The following PROX2 variants were observed in gnomAD, a reference collection of about 807,000 sequenced individuals.
PROX2 encodes the protein prospero homeobox protein 2.
A neutral mutation model predicts 48.9 loss-of-function variants in PROX2; 46 were observed. The ratio of observed to expected loss-of-function variants is 0.94; its 90% confidence interval spans 0.74 to 1.20. The LOEUF is 1.20. PROX2 is among the 50% of genes most tolerant of loss of function. The pLI is 0.00. For missense variants in PROX2, 663 were observed against 719.4 expected (o/e 0.92, Z 0.90); for synonymous variants, 260 against 276.6 (o/e 0.94, Z 0.60).
intron 1 of PROX2, chr14:74,872,019 CA>C (rs1883228695): frequency 6.6e-6 from 1 of 152,234 alleles, no homozygotes; most frequent in East Asian, 1.9e-4. Context: ...CCTATGAGGC[CA>C]GCTGAGGTGA....
rs1331064399 is a variant in PROX2 at position 74,863,103 on chromosome 14, C to G, written c.732G>C (p.Lys244Asn). The change falls in exon 3 of 6, where the codon AAG becomes AAC. Residue 244 changes from lysine to asparagine, a missense_variant. Physicochemically the swap from Lys to Asn is moderately conservative, Grantham distance 94. Coordinates refer to ENST00000556489, the MANE Select transcript of PROX2 (RefSeq NM_001243007.2). The stretch of plus-strand genomic sequence containing the variant: ...GGTGGCCTGGTGGATCCAATAGTAC[C>G]TTTTGTAATACCGAGTCCACAGCCT... The part of the protein sequence containing the change: ...VSQAVDSVLQ[K>N]VLLDPPGHLT... The G allele has an allele frequency of 6.2e-7, 1 of 1,613,882 alleles. No homozygotes were observed. Among genetic ancestry groups the G allele is most frequent in the Non-Finnish European group, 8.5e-7 (1 of 1,179,890 alleles).
At chr14:74,875,161 TAAATA>T (rs979419553) in intron 1 of PROX2, among the ~76,000 whole-genome samples, 137 of 151,964 alleles carry the variant, frequency 9.0e-4, no homozygotes, top group African/African-American at 3.0e-3. Flanking sequence ...AAATAAAAAA[TAAATA>T]AAATAAAATC....
intron 2 of PROX2, among the ~76,000 whole-genome samples, chr14:74,870,655 G>A (rs1167860407): frequency 6.6e-6 from 1 of 152,076 alleles, no homozygotes; most frequent in Non-Finnish European, 1.5e-5. Flanking sequence ...TTGCATGTAT[G>A]GAGAAAGCTA....
chr14:74,869,765 G>A (rs896385367), intron 2 of PROX2, among the ~76,000 whole-genome samples: 3 of 152,128 alleles, frequency 2.0e-5, no homozygotes, highest in African/African-American at 7.2e-5. Context: ...GTTATGGTAG[G>A]TGACAATGTT....
rs904521237 is a variant in PROX2, at chr14:74,856,918, T to C, written c.1491A>G (p.Lys497=). The C allele has an allele frequency of 5.6e-6, 9 of 1,613,984 alleles. No individual in the cohort carries two copies. Among genetic ancestry groups the C allele is most frequent in the Non-Finnish European group, 7.6e-6 (9 of 1,179,866 alleles). Residue 497 remains lysine (K), a synonymous_variant, in exon 5 of 6, where the codon AAA becomes AAG. Coordinates refer to ENST00000556489, the MANE Select transcript of PROX2 (RefSeq NM_001243007.2). ...FREFYYIQME[K]SARQAISDGV... ...CATCTGAAATTGCTTGCCGGGCAGATTTTTCCATTTGGATGTAATAAAACT... is the reference window on the plus strand; with the variant it reads ...CATCTGAAATTGCTTGCCGGGCAGACTTTTCCATTTGGATGTAATAAAACT...
chr14:74,863,127 C>T lies in PROX2; in HGVS notation c.708G>A (p.Gln236=). The T allele has an allele frequency of 1.2e-5, 20 of 1,614,050 alleles. No individual in the cohort carries two copies. Among genetic ancestry groups the T allele is most frequent in the Non-Finnish European group, 1.7e-5 (20 of 1,179,898 alleles). ...CCTTTTGTAATACCGAGTCCACAGCCTGGGACACTGCCCTGGTCAGCTCTT... is the reference window on the plus strand; with the variant it reads ...CCTTTTGTAATACCGAGTCCACAGCTTGGGACACTGCCCTGGTCAGCTCTT... ...LRKELTRAVS[Q]AVDSVLQKVL... is the part of the protein sequence containing the mutation. The change falls in exon 3 of 6, where the codon CAG becomes CAA. Residue 236 remains glutamine, a synonymous_variant. Coordinates refer to ENST00000556489, the MANE Select transcript of PROX2 (RefSeq NM_001243007.2).
Position 74,863,313 on chromosome 14 carries a change from A to G in PROX2, c.522T>C (p.Ser174=). 7 of 1,613,964 alleles carry G rather than the reference A, an allele frequency of 4.3e-6. No individual in the cohort carries two copies. Among genetic ancestry groups the G allele is most frequent in the Admixed American group, 1.7e-5 (1 of 60,016 alleles). Residue 174 remains serine, a synonymous_variant, in exon 3 of 6, where the codon AGT becomes AGC. Coordinates refer to ENST00000556489, the MANE Select transcript of PROX2 (RefSeq NM_001243007.2). ...GCCCACAGCCATTCCCCTGCTTTGCACTCAGAGGGCCTTTCCCCGTGCCAC... is the reference window on the plus strand; with the variant it reads ...GCCCACAGCCATTCCCCTGCTTTGCGCTCAGAGGGCCTTTCCCCGTGCCAC... ...GGCGTGKGPL[S]AKQGNGCGPR...
chr14:74,862,420 C>T, intron 3 of PROX2, 110 bp downstream of exon 3: 1 of 1,257,064 alleles, frequency 8.0e-7, no homozygotes, highest in Non-Finnish European at 1.1e-6. Context: ...TCTTGAACAC[C>T]TGTCCTCAAG....
In PROX2 at chr14:74,860,556, A is replaced by G. The variant is rs532760785; in HGVS notation, c.1305+1974T>C. On this transcript the variant is annotated intron_variant, in intron 3 of 5. Coordinates refer to ENST00000556489, the MANE Select transcript of PROX2 (RefSeq NM_001243007.2). ...CGTGATCTTCACATCTGCCCTACCTATGTCACAGGATGTCATGTGAATGTG... is the reference window on the plus strand; with the variant it reads ...CGTGATCTTCACATCTGCCCTACCTGTGTCACAGGATGTCATGTGAATGTG... 6.6e-5 allele frequency among the ~76,000 whole-genome samples: 10 copies of G among 152,036 alleles called. No homozygotes were observed. In the East Asian group the frequency reaches 7.7e-4, roughly 12 times the overall value.
At chr14:74,873,775 C>T in intron 1 of PROX2, 1 of 465,754 alleles carries the variant, frequency 2.1e-6, no homozygotes, top group Non-Finnish European at 4.2e-6. Context: ...CAGTATCCCA[C>T]CAAGCTTCAC....
intron 2 of PROX2, among the ~76,000 whole-genome samples, chr14:74,869,675 G>T (rs1341646021): frequency 1.3e-5 from 2 of 152,122 alleles, no homozygotes; most frequent in African/African-American, 4.8e-5. Flanking sequence ...GCCAATTTAT[G>T]CTCCTACCAA....
At chr14:74,868,271 G>A (rs1472772921) in intron 2 of PROX2, among the ~76,000 whole-genome samples, 1 of 132,414 alleles carries the variant, frequency 7.6e-6, no homozygotes, top group African/African-American at 2.8e-5. Flanking sequence ...TTTTTGCCAA[G>A]CTCTTTTCTC....
Position 74,853,740 on chromosome 14 carries a change from A to G in PROX2, c.*1392T>C, listed in dbSNP as rs2091721921. 6.6e-6 allele frequency: 1 copy of G among 152,224 alleles called. No homozygotes were observed. Among genetic ancestry groups the G allele is most frequent in the Non-Finnish European group, 1.5e-5 (1 of 68,064 alleles). The allele number at this position is 152,224 out of a possible 1,614,324, so 9.4% of individuals were successfully genotyped here. On this transcript the variant is annotated 3_prime_UTR_variant, in exon 6 of 6. Transcript: ENST00000556489. The stretch of plus-strand genomic sequence containing the variant: ...CTCACAGACACCCCTTATCAGGACT[A>G]CAAAGCCCGAGCTGTGTATTACCCC...
chr14:74,873,843 G>A, intron 1 of PROX2: 1 of 447,702 alleles, frequency 2.2e-6, no homozygotes, highest in Admixed American at 2.5e-5. Flanking sequence ...TGAAAGTGAA[G>A]TTTTTGCAGA....
rs2091729856 is a variant in PROX2, at chr14:74,854,831, A to G, written c.*301T>C. On this transcript the variant is annotated 3_prime_UTR_variant, in exon 6 of 6. Coordinates refer to ENST00000556489, the MANE Select transcript of PROX2 (RefSeq NM_001243007.2). ...TTTTACAGATACAGAGATACCAGGA[A>G]GTTCCCAGGGTCACAACACCTGGAA... 2 of 217,552 alleles carry G rather than the reference A, an allele frequency of 9.2e-6. No individual in the cohort carries two copies. The highest frequency in any genetic ancestry group is 1.8e-4 in the South Asian group (1 of 5,686). 13.5% of individuals were successfully genotyped at this position (217,552 alleles called of 1,614,324 possible).
intron 2 of PROX2, among the ~76,000 whole-genome samples, chr14:74,868,344 T>A (rs1594863478): frequency 7.7e-6 from 1 of 129,652 alleles, no homozygotes; most frequent in Non-Finnish European, 1.6e-5. Context: ...TATATATATA[T>A]ATATATATAT....
Position 74,862,995 on chromosome 14 carries a change from T to G in PROX2, c.840A>C (p.Lys280Asn). The change falls in exon 3 of 6, where the codon AAA becomes AAC. Residue 280 changes from lysine (K) to asparagine (N), a missense_variant. By Grantham distance (94) the Lys-to-Asn change is moderately conservative (BLOSUM62 0). Coordinates refer to ENST00000556489, the MANE Select transcript of PROX2 (RefSeq NM_001243007.2). Reference sequence around the variant, plus strand: ...GCAAGGCAGCCAAAGCAAGTGGATCTTTACAGGCCCCTCCCACAGGAGGTG... The same window carrying G: ...GCAAGGCAGCCAAAGCAAGTGGATCGTTACAGGCCCCTCCCACAGGAGGTG... Reference protein sequence around the residue: ...EPSPPVGGACKDPLALAALPR... With the variant: ...EPSPPVGGACNDPLALAALPR... The G allele has an allele frequency of 6.2e-7, 1 of 1,614,004 alleles. No homozygotes were observed. Among genetic ancestry groups the G allele is most frequent in the Non-Finnish European group, 8.5e-7 (1 of 1,179,884 alleles).
chr14:74,858,150 C>T (rs2091761291), intron 4 of PROX2: 1 of 337,540 alleles, frequency 3.0e-6, no homozygotes, highest in Admixed American at 4.5e-5. Context: ...CTCTACTTTT[C>T]CTGCCCATGT....
Position 74,854,217 on chromosome 14 carries a change from ACTAT to A in PROX2, c.*911_*914del, listed in dbSNP as rs779218344. 1 of 450,816 alleles carries A rather than the reference ACTAT, an allele frequency of 2.2e-6. No individual in the cohort carries two copies. Among genetic ancestry groups the A allele is most frequent in the African/African-American group, 2.0e-5 (1 of 49,854 alleles). 27.9% of individuals were successfully genotyped at this position (450,816 alleles called of 1,614,324 possible). On this transcript the variant is annotated 3_prime_UTR_variant, in exon 6 of 6. Transcript: ENST00000556489. ...CACCAATTGCAATGGTCAGCTGGAG[ACTAT>A]TTGCATTATCCAGCTGATAAACTCT...
Sources: gnomAD v4.1 joint callset for allele counts (sites outside exome capture counted in the v4.1 genomes callset) on GRCh38, gnomAD v4.1.1 for gene constraint, MANE v1.5 for transcripts, NCBI Gene and HGNC (gene_info 2026-07-23, HGNC 2026-07-21) for gene names.